The following MBOAT2 variants were observed in gnomAD, a reference collection of about 807,000 sequenced individuals.
MBOAT2 encodes membrane-bound glycerophospholipid O-acyltransferase 2.
MBOAT2 carries 28 observed loss-of-function variants against 63.4 expected under a neutral mutation model. The observed-to-expected ratio is 0.44, with a 90% confidence interval of 0.33 to 0.61. The LOEUF is 0.61. Ranked by LOEUF, MBOAT2 falls within the 20% of genes least tolerant of loss-of-function variation. The pLI is 0.03. For missense variants in MBOAT2, 470 were observed against 605.8 expected (o/e 0.78, Z 2.35); for synonymous variants, 211 against 215.6 (o/e 0.98, Z 0.19).
intron 1 of MBOAT2, among the ~76,000 whole-genome samples, chr2:8,993,576 A>G (rs1045651242): frequency 3.3e-5 from 5 of 152,140 alleles, no homozygotes; most frequent in Non-Finnish European, 7.4e-5. Flanking sequence ...GGAAAAGTGC[A>G]CAGTTCCCAG....
intron 1 of MBOAT2, among the ~76,000 whole-genome samples, chr2:8,962,724 T>G (rs553080619): frequency 6.6e-6 from 1 of 151,978 alleles, no homozygotes; most frequent in Non-Finnish European, 1.5e-5. Flanking sequence ...TATAATCTTA[T>G]GTGATATAAC....
chr2:8,918,946 A>G (rs1666382116), intron 3 of MBOAT2, among the ~76,000 whole-genome samples: 2 of 152,170 alleles, frequency 1.3e-5, no homozygotes, highest in Admixed American at 6.5e-5. Flanking sequence ...GCAACCACCG[A>G]TCATTTTCTG....
intron 8 of MBOAT2, among the ~76,000 whole-genome samples, chr2:8,871,376 T>C (rs1049233235): frequency 1.3e-5 from 2 of 152,160 alleles, no homozygotes; most frequent in Admixed American, 1.3e-4. Flanking sequence ...TTCAAGGACC[T>C]CGTTCTATTG....
intron 1 of MBOAT2, chr2:8,974,396 C>T (rs1276538686): frequency 2.2e-6 from 1 of 456,346 alleles, no homozygotes; most frequent in Admixed American, 2.3e-5. Context: ...GTGAGACACA[C>T]GGAAGGGGAA....
chr2:8,995,825 T>C (rs1316853703), intron 1 of MBOAT2, among the ~76,000 whole-genome samples: 1 of 152,152 alleles, frequency 6.6e-6, no homozygotes, highest in Non-Finnish European at 1.5e-5. Context: ...TCTCCTGACC[T>C]TGTGATCCGC....
intron 2 of MBOAT2, among the ~76,000 whole-genome samples, chr2:8,953,281 G>A (rs1374019124): frequency 6.6e-6 from 1 of 152,174 alleles, no homozygotes; most frequent in East Asian, 1.9e-4. Context: ...GCTGAAAATA[G>A]CTCTCCAATC....
intron 2 of MBOAT2, among the ~76,000 whole-genome samples, chr2:8,947,914 A>G (rs1403048758): frequency 6.6e-6 from 1 of 152,194 alleles, no homozygotes; most frequent in Non-Finnish European, 1.5e-5. Context: ...TATTTAAGAA[A>G]TACATTTCGT....
At chr2:8,901,917 T>C (rs189405913) in intron 4 of MBOAT2, among the ~76,000 whole-genome samples, 8 of 151,786 alleles carry the variant, frequency 5.3e-5, no homozygotes, top group Admixed American at 5.3e-4. Context: ...TGACAGGCAT[T>C]AGGACCCAGG....
Position 8,877,042 on chromosome 2 carries a change from C to T in MBOAT2, c.678G>A (p.Glu226=). 1 of 1,610,270 alleles carries T rather than the reference C, an allele frequency of 6.2e-7. No homozygotes were observed. Among genetic ancestry groups the T allele is most frequent in the Admixed American group, 1.7e-5 (1 of 59,252 alleles). ...CTCATGACCTTACATTTGGAGATGG[C>T]TCTGTTCTTTCATACTGTGTCTCTT... is the stretch of plus-strand genomic sequence containing the variant. The part of the protein sequence containing the change: ...GKEETQYERT[E]PSPNTAVVQK... The change falls in exon 7 of 13, where the codon GAG becomes GAA. Residue 226 remains glutamate (E), a synonymous_variant. Coordinates refer to ENST00000305997, the MANE Select transcript of MBOAT2 (RefSeq NM_138799.4).
At chr2:8,922,525 G>C (rs574262280) in intron 3 of MBOAT2, among the ~76,000 whole-genome samples, 3 of 152,216 alleles carry the variant, frequency 2.0e-5, no homozygotes, top group Admixed American at 6.5e-5. Context: ...GGTGAGAGCT[G>C]ATGCAGCAGC....
At chr2:8,893,603 G>A (rs1312070437) in intron 4 of MBOAT2, among the ~76,000 whole-genome samples, 2 of 152,208 alleles carry the variant, frequency 1.3e-5, no homozygotes, top group East Asian at 3.8e-4. Context: ...AGCCAGTGGC[G>A]CTGAAGGGAC....
chr2:9,000,456 G>A (rs1182578652), intron 1 of MBOAT2, among the ~76,000 whole-genome samples: 1 of 152,118 alleles, frequency 6.6e-6, no homozygotes, highest in African/African-American at 2.4e-5. Context: ...CAACTCTAAG[G>A]TGCTTCAAAG....
intron 4 of MBOAT2, among the ~76,000 whole-genome samples, chr2:8,899,520 C>A (rs1192813338): frequency 2.0e-5 from 3 of 152,190 alleles, no homozygotes; most frequent in Non-Finnish European, 4.4e-5. Context: ...AGGGTGATGA[C>A]ATGAGCTGGC....
At chr2:8,982,394 C>T (rs543592164) in intron 1 of MBOAT2, among the ~76,000 whole-genome samples, 1 of 152,212 alleles carries the variant, frequency 6.6e-6, no homozygotes, top group South Asian at 2.1e-4. Context: ...CAGCCAGAAC[C>T]AAAAATGCTA....
intron 4 of MBOAT2, among the ~76,000 whole-genome samples, chr2:8,892,931 G>A (rs1449544808): frequency 1.3e-5 from 2 of 152,070 alleles, no homozygotes; most frequent in Non-Finnish European, 2.9e-5. Context: ...TCTGCAGAGC[G>A]AGGACACAGG....
intron 3 of MBOAT2, among the ~76,000 whole-genome samples, chr2:8,934,300 A>T (rs1334378310): frequency 6.6e-6 from 1 of 152,172 alleles, no homozygotes; most frequent in African/African-American, 2.4e-5. Flanking sequence ...AACTCTCCTC[A>T]GTCTATTTAG....
chr2:8,942,455 A>G (rs542375137), intron 3 of MBOAT2, among the ~76,000 whole-genome samples: 1 of 152,322 alleles, frequency 6.6e-6, no homozygotes, highest in South Asian at 2.1e-4. Context: ...TTCCATCTCT[A>G]GCCCAGCTAC....
intron 3 of MBOAT2, among the ~76,000 whole-genome samples, chr2:8,934,414 G>C (rs1242568119): frequency 1.3e-5 from 2 of 152,048 alleles, no homozygotes; most frequent in Non-Finnish European, 2.9e-5. Flanking sequence ...TCAAATCCTA[G>C]ATCACCATTT....
At position 8,858,387 on chromosome 2, in the gene MBOAT2, A is replaced by AC. The variant is rs2148502058; in HGVS notation, c.*291_*292insG. The AC allele has an allele frequency of 3.5e-6, 1 of 285,424 alleles. No homozygotes were observed. Among genetic ancestry groups the AC allele is most frequent in the Non-Finnish European group, 6.5e-6 (1 of 152,716 alleles). 17.7% of individuals were successfully genotyped at this position (285,424 alleles called of 1,614,324 possible). On this transcript the variant is annotated 3_prime_UTR_variant, in exon 13 of 13. Transcript: ENST00000305997. Reference sequence around the variant, plus strand: ...ACCTCTTCAGTGCCTTGGGATACGCAACATACATTCAGCAACAGGGCACGC... The same window carrying AC: ...ACCTCTTCAGTGCCTTGGGATACGCACACATACATTCAGCAACAGGGCACGC...
Sources: gnomAD v4.1 joint callset for allele counts (sites outside exome capture counted in the v4.1 genomes callset) on GRCh38, gnomAD v4.1.1 for gene constraint, MANE v1.5 for transcripts, NCBI Gene and HGNC (gene_info 2026-07-23, HGNC 2026-07-21) for gene names.